The following REV3L variants were observed in gnomAD, a reference collection of about 807,000 sequenced individuals.
REV3L encodes REV3 like, DNA directed polymerase zeta catalytic subunit.
REV3L carries 69 observed loss-of-function variants against 299.4 expected under a neutral mutation model. The ratio of observed to expected loss-of-function variants is 0.23; its 90% CI spans 0.19 to 0.28. The LOEUF (loss-of-function observed/expected upper bound fraction) is 0.28, where lower values mean the gene tolerates loss of function less well. Ranked by LOEUF, REV3L falls within the 10% of genes least tolerant of loss-of-function variation. REV3L has a pLI of 1.00. For missense variants in REV3L, 3,128 were observed against 3,693.8 expected (o/e 0.85, Z 3.97); for synonymous variants, 1,238 against 1,271.4 (o/e 0.97, Z 0.56).
At chr6:111,361,431 CAAAA>C (rs1251828373) in intron 16 of REV3L, 1 of 106,980 alleles carries the variant, frequency 9.3e-6, no homozygotes, top group Non-Finnish European at 2.0e-5. Context: ...AAAAAAAAAA[CAAAA>C]AAAAAAAAGA....
At chr6:111,468,017 T>G (rs1288614714) in intron 1 of REV3L, among the ~76,000 whole-genome samples, 1 of 152,134 alleles carries the variant, frequency 6.6e-6, no homozygotes, top group Non-Finnish European at 1.5e-5. Context: ...CTATACAATC[T>G]CATCATCTAA....
At chr6:111,316,429 T>C (rs1773522525) in intron 26 of REV3L, among the ~76,000 whole-genome samples, 1 of 151,810 alleles carries the variant, frequency 6.6e-6, no homozygotes, top group South Asian at 2.1e-4. Flanking sequence ...TTTGGGAGGC[T>C]GAGGCGGGTG....
At position 111,367,947 on chromosome 6, in the gene REV3L, T is replaced by C. The variant is rs1321954148; in HGVS notation, c.5841A>G (p.Glu1947=). The change falls in exon 14 of 32, where the codon GAA becomes GAG. Residue 1947 remains glutamate (E), a synonymous_variant. Coordinates refer to ENST00000368802, the MANE Select transcript of REV3L (RefSeq NM_001372078.1). ...ATGCTGTTTTCCAAAGACGAAGTCC[T>C]TCCAAGGAAAAGTCTCCCTCAAACT... ...LAEFEGDFSL[E]GLRLWKTAFS... 6.2e-7 allele frequency: 1 copy of C among 1,614,116 alleles called. No individual in the cohort carries two copies. The highest frequency in any genetic ancestry group is 1.6e-4 in the Middle Eastern group (1 of 6,062).
chr6:111,306,953 G>A (rs962465307), intron 31 of REV3L, among the ~76,000 whole-genome samples: 30 of 152,130 alleles, frequency 2.0e-4, no homozygotes, highest in African/African-American at 6.3e-4. Flanking sequence ...TACTGGTTGA[G>A]TATCATTAAT....
rs191896615 is a variant in REV3L at position 111,359,675 on chromosome 6, T to C, written c.6880-661A>G. Among the ~76,000 whole-genome samples the C allele has an allele frequency of 8.5e-5, 13 of 152,288 alleles. No individual in the cohort carries two copies. The East Asian group carries it at 2.3e-3, about 27-fold the overall frequency. The stretch of plus-strand genomic sequence containing the variant: ...CTATGCCAATATAAACTTTTAACTG[T>C]AATTCTTAGTTTTCTTTCTAAAATC... On this transcript the variant is annotated intron_variant, in intron 16 of 31. Transcript: ENST00000368802.
chr6:111,381,352 G>C lies in REV3L; in HGVS notation c.1189C>G (p.Gln397Glu), dbSNP rs140541941. 6.2e-7 allele frequency: 1 copy of C among 1,613,506 alleles called. No homozygotes were observed. The highest frequency in any genetic ancestry group is 8.5e-7 in the Non-Finnish European group (1 of 1,179,828). Residue 397 changes from glutamine to glutamate, a missense_variant, in exon 10 of 32, where the codon CAA becomes GAA. Physicochemically the swap from Gln to Glu is conservative, Grantham distance 29 (BLOSUM62 2). Coordinates refer to ENST00000368802, the MANE Select transcript of REV3L (RefSeq NM_001372078.1). Reference sequence around the variant, plus strand: ...AAAACAGGTGACTCACTCAGTCTTTGGGTCAAAGGCTGAAAAGTCTGACTA... The same window carrying C: ...AAAACAGGTGACTCACTCAGTCTTTCGGTCAAAGGCTGAAAAGTCTGACTA... ...ENSQTFQPLT[Q>E]RLSESPVFMD...
rs139087065 is a variant in REV3L, at chr6:111,405,971, G to T, written c.405-341C>A. On this transcript the variant is annotated intron_variant, in intron 3 of 31. Coordinates refer to ENST00000368802, the MANE Select transcript of REV3L (RefSeq NM_001372078.1). ...AAGATTAATATTCAAAAAAGGAAAA[G>T]AAATCATTACTTATAATCCCACCAC... Among the ~76,000 whole-genome samples the T allele has an allele frequency of 1.6e-3, 243 of 152,112 alleles. 1 individual carries two copies. The highest frequency in any genetic ancestry group is 5.7e-3 in the African/African-American group (236 of 41,522).
Position 111,375,772 on chromosome 6 carries a change from A to G in REV3L, c.2583T>C (p.Asn861=), listed in dbSNP as rs1460772372. The change falls in exon 13 of 32, where the codon AAT becomes AAC. Residue 861 remains asparagine (N), a synonymous_variant. Coordinates refer to ENST00000368802, the MANE Select transcript of REV3L (RefSeq NM_001372078.1). The stretch of plus-strand genomic sequence containing the variant: ...CCTTCTCAGGATTACTATTACAAGG[A>G]TTATTTTGTATAAAATTATCTTTTG... ...GSTKDNFIQN[N]PCNSNPEKDN... 1 of 1,613,664 alleles carries G rather than the reference A, an allele frequency of 6.2e-7. No homozygotes were observed. Among genetic ancestry groups the G allele is most frequent in the East Asian group, 2.2e-5 (1 of 44,866 alleles).
chr6:111,400,564 TG>T (rs1323401361), intron 4 of REV3L, among the ~76,000 whole-genome samples: 2 of 152,224 alleles, frequency 1.3e-5, no homozygotes, highest in Non-Finnish European at 2.9e-5. Flanking sequence ...TTGGACTGTT[TG>T]CTTTCTTATT....
intron 21 of REV3L, among the ~76,000 whole-genome samples, chr6:111,340,743 A>C (rs1410540847): frequency 1.3e-5 from 2 of 152,152 alleles, no homozygotes; most frequent in Non-Finnish European, 2.9e-5. Flanking sequence ...ACTTAAATTT[A>C]AGAATGAAGT....
chr6:111,420,428 G>C (rs1047318927), intron 1 of REV3L, among the ~76,000 whole-genome samples: 1 of 152,034 alleles, frequency 6.6e-6, no homozygotes, highest in African/African-American at 2.4e-5. Flanking sequence ...ATCAACTACA[G>C]TCACCATGCA....
intron 1 of REV3L, among the ~76,000 whole-genome samples, chr6:111,425,794 G>C (rs1385555657): frequency 6.6e-6 from 1 of 151,886 alleles, no homozygotes; most frequent in South Asian, 2.1e-4. Context: ...GAGAGTTAAA[G>C]GAGAGTATGA....
intron 25 of REV3L, among the ~76,000 whole-genome samples, chr6:111,327,790 A>T (rs765926626): frequency 2.6e-5 from 4 of 152,310 alleles, no homozygotes; most frequent in African/African-American, 7.2e-5. Flanking sequence ...GCACAAAATC[A>T]TATTACTGTA....
Position 111,483,039 on chromosome 6 carries a change from G to T in REV3L, c.-151C>A. On this transcript the variant is annotated 5_prime_UTR_variant, in exon 1 of 32. Transcript: ENST00000368802. Reference sequence around the variant, plus strand: ...ACAGAGGCACCTCGAGGAGCGGCGGGCGGGGCGGTGTAGGCGCTGCTGCCG... The same window carrying T: ...ACAGAGGCACCTCGAGGAGCGGCGGTCGGGGCGGTGTAGGCGCTGCTGCCG... 9.9e-7 allele frequency: 1 copy of T among 1,010,376 alleles called. No homozygotes were observed. The highest frequency in any genetic ancestry group is 1.3e-6 in the Non-Finnish European group (1 of 754,158). The allele number at this position is 1,010,376 out of a possible 1,614,324, so 62.6% of individuals were successfully genotyped here.
intron 25 of REV3L, 85 bp from the exon 26 acceptor site, chr6:111,322,763 C>A: frequency 1.1e-6 from 1 of 880,932 alleles, no homozygotes; most frequent in Non-Finnish European, 1.8e-6. Context: ...CATTTAATTA[C>A]TAAATATTTC....
At chr6:111,351,618 T>C (rs1777573553) in intron 19 of REV3L, 58 bp downstream of exon 19, 7 of 1,343,838 alleles carry the variant, frequency 5.2e-6, no homozygotes, top group Admixed American at 1.8e-5. Flanking sequence ...ATTCTGTCTT[T>C]ATTTCCTTTA....
chr6:111,448,636 T>C (rs1204454583), intron 1 of REV3L, among the ~76,000 whole-genome samples: 1 of 151,866 alleles, frequency 6.6e-6, no homozygotes. Flanking sequence ...TTTTCTTTTC[T>C]TTCCAAGACA....
intron 23 of REV3L, among the ~76,000 whole-genome samples, chr6:111,332,228 T>C (rs1196133794): frequency 2.0e-5 from 3 of 152,142 alleles, no homozygotes; most frequent in South Asian, 2.1e-4. Context: ...CCTGCCACCA[T>C]ACCCGGCTAA....
At chr6:111,321,272 T>C (rs1774162302) in intron 26 of REV3L, among the ~76,000 whole-genome samples, 1 of 152,184 alleles carries the variant, frequency 6.6e-6, no homozygotes, top group Non-Finnish European at 1.5e-5. Context: ...GTCTATTATT[T>C]TTTGTAGCTT....
Sources: allele counts gnomAD v4.1 joint callset (sites outside exome capture counted in the v4.1 genomes callset), GRCh38; gene constraint gnomAD v4.1.1; transcripts MANE v1.5; gene names NCBI Gene and HGNC (gene_info 2026-07-23, HGNC 2026-07-21).